Variants in CEP112 observed in about 807,000 individuals in gnomAD.
CEP112 encodes the protein centrosomal protein of 112 kDa.
Under a neutral mutation model 153.0 loss-of-function variants are expected in CEP112, and 127 were observed. That is an observed-to-expected ratio of 0.83 (90% CI 0.72 to 0.96). CEP112 has a LOEUF of 0.96. CEP112 is among the 40% of genes least tolerant of loss of function. CEP112 has a pLI of 0.00. For synonymous variants in CEP112, 358 were observed against 374.4 expected (o/e 0.96, Z 0.51); for missense variants, 1,089 against 1,101.2 (o/e 0.99, Z 0.16).
At chr17:66,118,892 CA>C (rs60819285) in intron 6 of CEP112, among the ~76,000 whole-genome samples, 1 of 150,574 alleles carries the variant, frequency 6.6e-6, no homozygotes. Context: ...TTCCATCAAA[CA>C]AAAAAAAATC....
intron 21 of CEP112, among the ~76,000 whole-genome samples, chr17:65,846,524 G>A (rs978706069): frequency 1.3e-5 from 2 of 152,144 alleles, no homozygotes; most frequent in African/African-American, 4.8e-5. Context: ...CAGGCACAGA[G>A]GCTATCTTGA....
chr17:66,190,756 G>C (rs2146965338), intron 1 of CEP112, among the ~76,000 whole-genome samples: 1 of 152,068 alleles, frequency 6.6e-6, no homozygotes, highest in Non-Finnish European at 1.5e-5. Flanking sequence ...GCTACAAAAT[G>C]GGCTTACCTA....
intron 21 of CEP112, among the ~76,000 whole-genome samples, chr17:65,758,321 T>C (rs1265593506): frequency 6.6e-6 from 1 of 152,162 alleles, no homozygotes; most frequent in Non-Finnish European, 1.5e-5. Flanking sequence ...GGCTGCTTCC[T>C]CAGATCATTC....
intron 21 of CEP112, among the ~76,000 whole-genome samples, chr17:65,809,691 T>C (rs182229513): frequency 3.6e-4 from 55 of 152,310 alleles, no homozygotes; most frequent in African/African-American, 1.3e-3. Flanking sequence ...GCCAGACATC[T>C]ATTAGAATTT....
intron 11 of CEP112, among the ~76,000 whole-genome samples, chr17:66,060,049 A>C (rs78342513): frequency 1.8e-4 from 27 of 152,290 alleles, no homozygotes; most frequent in Admixed American, 7.2e-4. Flanking sequence ...CAGAAATAGA[A>C]AACCAAGCAT....
intron 17 of CEP112, among the ~76,000 whole-genome samples, chr17:65,964,508 C>T (rs368083268): frequency 1.3e-5 from 2 of 152,168 alleles, no homozygotes; most frequent in African/African-American, 4.8e-5. Flanking sequence ...ATAAAAATAT[C>T]TAAATACTAA....
chr17:65,659,277 G>A (rs2046228552), intron 24 of CEP112, among the ~76,000 whole-genome samples: 1 of 152,024 alleles, frequency 6.6e-6, no homozygotes, highest in Non-Finnish European at 1.5e-5. Flanking sequence ...TTTAGACAGA[G>A]AGTTCTGACC....
chr17:66,103,703 A>G (rs928833232), intron 6 of CEP112, among the ~76,000 whole-genome samples: 1 of 152,214 alleles, frequency 6.6e-6, no homozygotes, highest in Non-Finnish European at 1.5e-5. Context: ...TGGTTTTAGC[A>G]TATTAAGGAA....
intron 25 of CEP112, among the ~76,000 whole-genome samples, chr17:65,637,529 C>G (rs2044839630): frequency 6.6e-6 from 1 of 152,214 alleles, no homozygotes; most frequent in Admixed American, 6.5e-5. Flanking sequence ...AGGCCATTTT[C>G]TCTCTTTGGA....
intron 23 of CEP112, among the ~76,000 whole-genome samples, chr17:65,717,256 C>A (rs1166919677): frequency 6.6e-6 from 1 of 152,162 alleles, no homozygotes; most frequent in East Asian, 1.9e-4. Flanking sequence ...CTGGAAACAG[C>A]CTTTTAAAGG....
intron 21 of CEP112, among the ~76,000 whole-genome samples, chr17:65,800,649 T>A (rs1473806488): frequency 6.6e-6 from 1 of 152,224 alleles, no homozygotes; most frequent in Non-Finnish European, 1.5e-5. Flanking sequence ...TGCTGGATTT[T>A]ATAATTCTAA....
intron 17 of CEP112, among the ~76,000 whole-genome samples, chr17:65,981,515 G>C (rs1332057207): frequency 6.6e-6 from 1 of 152,114 alleles, no homozygotes; most frequent in Non-Finnish European, 1.5e-5. Context: ...GAACCTAATT[G>C]AGGTTGAAGA....
intron 23 of CEP112, among the ~76,000 whole-genome samples, chr17:65,720,160 G>A (rs879156552): frequency 1.2e-4 from 18 of 152,346 alleles, no homozygotes; most frequent in Non-Finnish European, 2.4e-4. Flanking sequence ...AGGAACGGCA[G>A]CAGCAGGTTT....
intron 12 of CEP112, among the ~76,000 whole-genome samples, chr17:66,035,119 C>T (rs1754206704): frequency 6.6e-6 from 1 of 150,490 alleles, no homozygotes; most frequent in South Asian, 2.1e-4. Context: ...GGATTACAAG[C>T]GTGTGCCACC....
At chr17:66,188,286 AACACACACACACACACACACACAC>A (rs59802008) in intron 1 of CEP112, among the ~76,000 whole-genome samples, 1 of 109,438 alleles carries the variant, frequency 9.1e-6, no homozygotes, top group Non-Finnish European at 2.1e-5. Context: ...CACACACACA[AACACACACACACACACACACACAC>A]ACACACACAC....
At chr17:65,765,881 A>T (rs935972890) in intron 21 of CEP112, among the ~76,000 whole-genome samples, 23 of 152,084 alleles carry the variant, frequency 1.5e-4, no homozygotes, top group African/African-American at 5.1e-4. Flanking sequence ...GTAACTCTGT[A>T]AAGTTTGGAA....
intron 24 of CEP112, among the ~76,000 whole-genome samples, chr17:65,677,708 T>A (rs1275018735): frequency 2.6e-5 from 4 of 151,930 alleles, no homozygotes; most frequent in African/African-American, 4.8e-5. Flanking sequence ...AGGTCAGGAG[T>A]TCGAGACCAG....
chr17:66,152,788 G>T (rs1310567749), intron 4 of CEP112, among the ~76,000 whole-genome samples: 2 of 152,146 alleles, frequency 1.3e-5, no homozygotes, highest in Non-Finnish European at 2.9e-5. Context: ...GAATTGTTAT[G>T]AACTAGTGAC....
At chr17:65,646,044 G>A (rs1040438740) in intron 24 of CEP112, among the ~76,000 whole-genome samples, 5 of 152,104 alleles carry the variant, frequency 3.3e-5, no homozygotes, top group African/African-American at 9.7e-5. Context: ...TTTGGTTCAC[G>A]CTTATGGTTG....
Sources: gnomAD v4.1 joint callset for allele counts (sites outside exome capture counted in the v4.1 genomes callset) on GRCh38, gnomAD v4.1.1 for gene constraint, MANE v1.5 for transcripts, NCBI Gene and HGNC (gene_info 2026-07-23, HGNC 2026-07-21) for gene names.